The following PARP4 variants were observed in gnomAD, a reference collection of about 807,000 sequenced individuals.
PARP4 encodes poly(ADP-ribose) polymerase family member 4.
Under a neutral mutation model 187.7 loss-of-function variants are expected in PARP4, and 120 were observed. That is an observed-to-expected ratio of 0.64 (90% CI 0.55 to 0.74). PARP4 has a LOEUF of 0.74. Among genes scored for constraint, PARP4 ranks in the 30% least tolerant of loss-of-function variants. The probability of loss-of-function intolerance (pLI) is 0.00; values close to 1 mark genes in which losing one functional copy is unlikely to be tolerated. For missense variants in PARP4, 1,836 were observed against 2,070.5 expected (o/e 0.89, Z 2.20); for synonymous variants, 654 against 740.9 (o/e 0.88, Z 1.90).
At chr13:24,511,172 G>A (rs1400524528) in intron 1 of PARP4, among the ~76,000 whole-genome samples, 1 of 152,066 alleles carries the variant, frequency 6.6e-6, no homozygotes, top group Non-Finnish European at 1.5e-5. Context: ...GCGCACTTTG[G>A]GTTTCGTGAA....
intron 1 of PARP4, among the ~76,000 whole-genome samples, chr13:24,507,139 C>T (rs748777582): frequency 4.6e-5 from 7 of 152,202 alleles, no homozygotes; most frequent in Non-Finnish European, 8.8e-5. Flanking sequence ...CCGGAACTTG[C>T]GCTGGCCCGC....
At chr13:24,479,929 C>A (rs1018927255) in intron 12 of PARP4, among the ~76,000 whole-genome samples, 1 of 152,094 alleles carries the variant, frequency 6.6e-6, no homozygotes, top group Non-Finnish European at 1.5e-5. Flanking sequence ...CGCGAGACCA[C>A]GAGCCCACCG....
chr13:24,437,398 G>T (rs1248063621), intron 30 of PARP4, among the ~76,000 whole-genome samples: 2 of 152,044 alleles, frequency 1.3e-5, no homozygotes, highest in Admixed American at 6.6e-5. Context: ...TAAAAAATCT[G>T]CATGACCAAA....
intron 6 of PARP4, among the ~76,000 whole-genome samples, chr13:24,496,323 G>T (rs2137536894): frequency 6.6e-6 from 1 of 152,224 alleles, no homozygotes; most frequent in South Asian, 2.1e-4. Context: ...TTTGACCATG[G>T]ATTAGCTTTC....
At chr13:24,424,388 C>T (rs141577331) in intron 33 of PARP4, among the ~76,000 whole-genome samples, 1 of 146,992 alleles carries the variant, frequency 6.8e-6, no homozygotes, top group Non-Finnish European at 1.5e-5. Flanking sequence ...TTATTTTTCT[C>T]TTGCCATTTA....
At chr13:24,473,956 T>A (rs1260810888) in intron 15 of PARP4, among the ~76,000 whole-genome samples, 3 of 152,168 alleles carry the variant, frequency 2.0e-5, no homozygotes, top group Admixed American at 2.0e-4. Flanking sequence ...GTGTTTAATC[T>A]GGGCTCATGA....
At chr13:24,438,739 G>A (rs946794820) in intron 30 of PARP4, among the ~76,000 whole-genome samples, 19 of 152,222 alleles carry the variant, frequency 1.2e-4, no homozygotes, top group Non-Finnish European at 2.4e-4. Context: ...AAGGTGTTGC[G>A]CTCCCTGGAG....
chr13:24,510,717 T>C (rs1478541884), intron 1 of PARP4, among the ~76,000 whole-genome samples: 1 of 144,366 alleles, frequency 6.9e-6, no homozygotes, highest in Non-Finnish European at 1.5e-5. Context: ...CTTTTAAAAA[T>C]TGTGGTACAG....
At chr13:24,462,937 C>G (rs1212328850) in intron 17 of PARP4, among the ~76,000 whole-genome samples, 1 of 151,968 alleles carries the variant, frequency 6.6e-6, no homozygotes, top group African/African-American at 2.4e-5. Context: ...ATTGAAGTCT[C>G]AGAAGGAGAA....
At chr13:24,427,636 A>G (rs1403282697) in intron 32 of PARP4, among the ~76,000 whole-genome samples, 1 of 152,242 alleles carries the variant, frequency 6.6e-6, no homozygotes, top group Non-Finnish European at 1.5e-5. Flanking sequence ...GACTTGGCAT[A>G]GTATGTACAT....
intron 8 of PARP4, among the ~76,000 whole-genome samples, chr13:24,493,210 G>C (rs1309683150): frequency 6.6e-6 from 1 of 152,196 alleles, no homozygotes; most frequent in East Asian, 1.9e-4. Flanking sequence ...CCTTTCCTAA[G>C]ACAGAAGGTG....
intron 17 of PARP4, among the ~76,000 whole-genome samples, chr13:24,468,410 T>C (rs1440478190): frequency 1.3e-5 from 2 of 150,824 alleles, no homozygotes; most frequent in Non-Finnish European, 3.0e-5. Flanking sequence ...CTTTTTTTTT[T>C]TTTTTTTTTT....
chr13:24,475,791 C>CTTT (rs34628702), intron 14 of PARP4, among the ~76,000 whole-genome samples, 195 bp from the exon 15 acceptor site: 273 of 148,170 alleles, frequency 1.8e-3, no homozygotes, highest in African/African-American at 6.3e-3. Context: ...TGCCTTCTGC[C>CTTT]TTTTTTTTTT....
chr13:24,426,059 A>C lies in PARP4; in HGVS notation c.4979+407T>G, dbSNP rs138629891. On this transcript the variant is annotated intron_variant, in intron 33 of 33. Transcript: ENST00000381989. ...TTTATAACCTTTAAACACTTGTTAT[A>C]AACTACAAAGTTATAAACTTTAAAT... 1.5e-3 allele frequency among the ~76,000 whole-genome samples: 224 copies of C among 152,338 alleles called. 4 individuals carry two copies. The highest frequency in any genetic ancestry group is 0.011 in the Admixed American group (173 of 15,298).
At chr13:24,459,562 CACACAT>C (rs1471211818) in intron 18 of PARP4, 42 of 412,574 alleles carry the variant, frequency 1.0e-4, no homozygotes, top group South Asian at 1.4e-4. Flanking sequence ...CACACACACA[CACACAT>C]TTTATACATG....
intron 22 of PARP4, 43 bp from the exon 23 acceptor site, chr13:24,453,697 A>C: frequency 9.1e-7 from 1 of 1,095,472 alleles, no homozygotes; most frequent in Non-Finnish European, 1.4e-6. Context: ...CCACACGTTC[A>C]CTTGCTTGAG....
chr13:24,486,271 C>T lies in PARP4; in HGVS notation c.1249G>A (p.Val417Ile). 6.2e-7 allele frequency: 1 copy of T among 1,606,780 alleles called. No homozygotes were observed. Among genetic ancestry groups the T allele is most frequent in the South Asian group, 1.1e-5 (1 of 90,910 alleles). The part of the protein sequence containing the change: ...SPVDVLQIFR[V>I]GRVNETTEFL... ...TCTGTGGTTTCATTCACTCTGCCAA[C>T]TCTAAATATCTGCAAGACATCCACT... The change falls in exon 11 of 34, where the codon GTT (valine) becomes ATT (isoleucine). Residue 417 changes from valine to isoleucine, a missense_variant. Val to Ile is a conservative substitution (Grantham distance 29). Around this residue, in one of 8 missense-constraint regions of PARP4, gnomAD observed 1,147 missense variants for 1,214.2 expected, o/e 0.94. Coordinates refer to ENST00000381989, the MANE Select transcript of PARP4 (RefSeq NM_006437.4).
At chr13:24,481,075 T>C (rs985796699) in intron 12 of PARP4, among the ~76,000 whole-genome samples, 1 of 152,224 alleles carries the variant, frequency 6.6e-6, no homozygotes, top group Non-Finnish European at 1.5e-5. Flanking sequence ...CAGTGCTCAC[T>C]TACCATTCCA....
In PARP4 at chr13:24,494,596, A is replaced by G; in HGVS notation, c.718T>C (p.Leu240=). Residue 240 remains leucine, a synonymous_variant, in exon 7 of 34, where the codon TTA becomes CTA. Coordinates refer to ENST00000381989, the MANE Select transcript of PARP4 (RefSeq NM_006437.4). ...REHFTPEATQ[L]ASEQLQALLL... ...ACTGCTTGCAATTGTTCAGATGCTA[A>G]TTGGGTTGCTTCAGGTGTGAAATGT... 2.5e-6 allele frequency: 4 copies of G among 1,609,218 alleles called. No homozygotes were observed. The highest frequency in any genetic ancestry group is 3.4e-6 in the Non-Finnish European group (4 of 1,178,558).
Sources: gnomAD v4.1 joint callset for allele counts (sites outside exome capture counted in the v4.1 genomes callset) on GRCh38, gnomAD v4.1.1 for gene constraint, gnomAD v4.1.1 regional missense constraint, MANE v1.5 for transcripts, NCBI Gene and HGNC (gene_info 2026-07-23, HGNC 2026-07-21) for gene names.